Variants in IQCH observed in about 807,000 individuals in gnomAD.
IQCH encodes IQ motif containing H.
A neutral mutation model predicts 117.0 loss-of-function variants in IQCH; 98 were observed. That is an observed-to-expected ratio of 0.84 (90% CI 0.71 to 0.99). IQCH has a LOEUF of 0.99. IQCH is among the 50% of genes least tolerant of loss of function. IQCH has a pLI of 0.00. For synonymous variants in IQCH, 412 were observed against 448.2 expected (o/e 0.92, Z 1.02); for missense variants, 1,102 against 1,243.8 (o/e 0.89, Z 1.72).
Position 67,500,226 on chromosome 15 carries a change from G to T in IQCH, c.2971-407G>T, listed in dbSNP as rs920790030. On this transcript the variant is annotated intron_variant, in intron 20 of 20. Transcript: ENST00000335894. The surrounding 1 kb of genome is among the most constrained non-coding windows in gnomAD (Gnocchi z 4.4). ...CATCAGCCTATTAGCCCTCATTTTA[G>T]GGTGACTAGACCAATGCTTCTCAAA... Among the ~76,000 whole-genome samples the T allele has an allele frequency of 6.6e-6, 1 of 152,068 alleles. No homozygotes were observed. The highest frequency in any genetic ancestry group is 1.5e-5 in the Non-Finnish European group (1 of 68,008).
intron 4 of IQCH, chr15:67,306,881 C>A: frequency 1.3e-6 from 2 of 1,522,362 alleles, no homozygotes; most frequent in Non-Finnish European, 1.8e-6. Flanking sequence ...GTTCATGTTC[C>A]CTCACTGACA....
intron 1 of IQCH, among the ~76,000 whole-genome samples, chr15:67,258,488 G>A (rs1287148771): frequency 3.4e-5 from 5 of 147,666 alleles, no homozygotes; most frequent in African/African-American, 7.5e-5. Flanking sequence ...CCAAGATCGC[G>A]CCATTGCACT....
Position 67,501,733 on chromosome 15 carries a change from C to CA in IQCH, c.*989dup, listed in dbSNP as rs1156362493. The stretch of plus-strand genomic sequence containing the variant: ...AATAGGATTTTTACCTGTGGAATTT[C>CA]AATAATTTGTTAACTGTGATTCAGC... On this transcript the variant is annotated 3_prime_UTR_variant, in exon 21 of 21. Transcript: ENST00000335894. This position sits in a 1 kb window ranked among gnomAD's most constrained non-coding sequence, Gnocchi z 5.2. 1.3e-4 allele frequency: 20 copies of CA among 152,266 alleles called. No individual in the cohort carries two copies. Among genetic ancestry groups the CA allele is most frequent in the Non-Finnish European group, 2.2e-4 (15 of 68,030 alleles). 9.4% of individuals were successfully genotyped at this position (152,266 alleles called of 1,614,324 possible).
chr15:67,314,332 A>G (rs985934008), intron 4 of IQCH, among the ~76,000 whole-genome samples: 2 of 152,070 alleles, frequency 1.3e-5, no homozygotes, highest in African/African-American at 4.8e-5. Flanking sequence ...AGCACTGGAC[A>G]GTATGAGCCT....
intron 4 of IQCH, among the ~76,000 whole-genome samples, chr15:67,327,038 A>G (rs562698772): frequency 3.2e-4 from 49 of 152,342 alleles, no homozygotes; most frequent in Non-Finnish European, 2.5e-4. Flanking sequence ...AGAAATTCTT[A>G]ATCTAGAATA....
rs1336800094 is a variant in IQCH at position 67,454,872 on chromosome 15, A to G, written c.2506-10255A>G. On this transcript the variant is annotated intron_variant, in intron 16 of 20. Coordinates refer to ENST00000335894, the MANE Select transcript of IQCH (RefSeq NM_001031715.3). This position sits in a 1 kb window ranked among gnomAD's most constrained non-coding sequence, Gnocchi z 5.2. Reference sequence around the variant, plus strand: ...ATAATGTTGCAATGGACATTCATATAAAAGTGTTCGCATAAACATGTGTTT... The same window carrying G: ...ATAATGTTGCAATGGACATTCATATGAAAGTGTTCGCATAAACATGTGTTT... 6.6e-6 allele frequency among the ~76,000 whole-genome samples: 1 copy of G among 152,226 alleles called. No individual in the cohort carries two copies. The highest frequency in any genetic ancestry group is 2.4e-5 in the African/African-American group (1 of 41,456).
chr15:67,261,832 T>G (rs538209635), intron 2 of IQCH, among the ~76,000 whole-genome samples: 97 of 152,300 alleles, frequency 6.4e-4, no homozygotes, highest in Middle Eastern at 3.4e-3. Context: ...AGGCCTGTAA[T>G]CCAAGCACTT....
In IQCH at chr15:67,384,431, C is replaced by G. The variant is rs987012947; in HGVS notation, c.1373-505C>G. Among the ~76,000 whole-genome samples the G allele has an allele frequency of 6.6e-6, 1 of 151,992 alleles. No homozygotes were observed. Among genetic ancestry groups the G allele is most frequent in the African/African-American group, 2.4e-5 (1 of 41,398 alleles). On this transcript the variant is annotated intron_variant, in intron 10 of 20. Transcript: ENST00000335894. This position sits in a 1 kb window ranked among gnomAD's most constrained non-coding sequence, Gnocchi z 4.3. ...TTTGAAAGTTAAAAGTTCTTGTGAC[C>G]GTGAGCAGAAGCTGATTTCTTTAGT...
intron 4 of IQCH, among the ~76,000 whole-genome samples, chr15:67,289,277 G>A (rs935911723): frequency 6.6e-6 from 1 of 152,154 alleles, no homozygotes; most frequent in East Asian, 1.9e-4. Context: ...TGTTTTGTCA[G>A]CAGTATGGAA....
At chr15:67,499,297 CAAAAAA>C (rs59618730) in intron 20 of IQCH, among the ~76,000 whole-genome samples, 2 of 49,148 alleles carry the variant, frequency 4.1e-5, no homozygotes, top group African/African-American at 1.7e-4. Flanking sequence ...AGACCTGTCC[CAAAAAA>C]AAAAAAAAAA....
rs564946302 is a variant in IQCH at position 67,477,627 on chromosome 15, G to C, written c.2799+1809G>C. Among the ~76,000 whole-genome samples, 10 of 152,194 alleles carry C rather than the reference G, an allele frequency of 6.6e-5. No homozygotes were observed. The South Asian group carries it at 1.0e-3, about 16-fold the overall frequency. On this transcript the variant is annotated intron_variant, in intron 18 of 20. Coordinates refer to ENST00000335894, the MANE Select transcript of IQCH (RefSeq NM_001031715.3). ...TGCATCTGCTACACACAATCCCTTT[G>C]GAATTAAATAGATTTTAACCCCAAA... is the stretch of plus-strand genomic sequence containing the variant.
intron 4 of IQCH, among the ~76,000 whole-genome samples, chr15:67,296,570 A>T (rs986507174): frequency 1.3e-5 from 2 of 152,250 alleles, no homozygotes; most frequent in Middle Eastern, 3.4e-3. Flanking sequence ...GACCCATCTG[A>T]GGGACCATTA....
At chr15:67,283,525 T>G (rs746304750) in intron 4 of IQCH, among the ~76,000 whole-genome samples, 5 of 149,788 alleles carry the variant, frequency 3.3e-5, no homozygotes, top group Non-Finnish European at 7.4e-5. Context: ...TATTTCTGAG[T>G]TTTTTTTTTC....
At chr15:67,429,755 G>A (rs536400014) in intron 16 of IQCH, among the ~76,000 whole-genome samples, 13 of 152,282 alleles carry the variant, frequency 8.5e-5, no homozygotes, top group Admixed American at 7.8e-4. Context: ...CCATGCTGAC[G>A]CAGGAGGGGC....
At chr15:67,435,734 A>G (rs576314209) in intron 16 of IQCH, among the ~76,000 whole-genome samples, 12 of 151,610 alleles carry the variant, frequency 7.9e-5, no homozygotes, top group African/African-American at 2.4e-4. Context: ...TTAGCCAGGC[A>G]TAGTGGTGCA....
intron 6 of IQCH, among the ~76,000 whole-genome samples, chr15:67,347,615 TG>T (rs1471106499): frequency 1.3e-5 from 2 of 151,726 alleles, no homozygotes; most frequent in Non-Finnish European, 2.9e-5. Context: ...ATATTATCAA[TG>T]TTGCAGAAAT....
At chr15:67,326,516 G>A (rs1968416579) in intron 4 of IQCH, among the ~76,000 whole-genome samples, 1 of 152,100 alleles carries the variant, frequency 6.6e-6, no homozygotes, top group African/African-American at 2.4e-5. Context: ...GGTATTTCTA[G>A]TTCTGGATCC....
chr15:67,460,671 A>G (rs948135322), intron 16 of IQCH, among the ~76,000 whole-genome samples: 2 of 152,190 alleles, frequency 1.3e-5, no homozygotes, highest in African/African-American at 4.8e-5. Flanking sequence ...CAGTCAAACA[A>G]CTGGCAACAA....
At position 67,413,708 on chromosome 15, in the gene IQCH, G is replaced by A. The variant is rs1057303755; in HGVS notation, c.2098-3223G>A. On this transcript the variant is annotated intron_variant, in intron 14 of 20. Transcript: ENST00000335894. The surrounding 1 kb of genome is among the most constrained non-coding windows in gnomAD (Gnocchi z 5.0). ...TCCTCTCCATGCCTTTTTTCTTAGA[G>A]AATGAATCATGGCCCCAAGCTGCCT... is the stretch of plus-strand genomic sequence containing the variant. Among the ~76,000 whole-genome samples the A allele has an allele frequency of 6.6e-6, 1 of 152,010 alleles. No homozygotes were observed. Among genetic ancestry groups the A allele is most frequent in the African/African-American group, 2.4e-5 (1 of 41,386 alleles).
Sources: gnomAD v4.1 joint callset for allele counts (sites outside exome capture counted in the v4.1 genomes callset) on GRCh38, gnomAD v4.1.1 for gene constraint, Gnocchi (gnomAD v3.1) non-coding constraint, MANE v1.5 for transcripts, NCBI Gene and HGNC (gene_info 2026-07-23, HGNC 2026-07-21) for gene names.